The following EPHA5 variants were observed in gnomAD, a reference collection of about 807,000 sequenced individuals.
EPHA5 encodes the protein EPH receptor A5, also known as ephrin type-A receptor 5.
A neutral mutation model predicts 105.0 loss-of-function variants in EPHA5; 60 were observed. That is an observed-to-expected ratio of 0.57 (90% CI 0.46 to 0.71). EPHA5 has a LOEUF of 0.71. Ranked by LOEUF, EPHA5 falls within the 30% of genes least tolerant of loss-of-function variation. The pLI is 0.00. For synonymous variants in EPHA5, 513 were observed against 449.1 expected, an observed-to-expected ratio of 1.14 and a Z score of -1.80; for missense variants, 1,218 against 1,274.7, an observed-to-expected ratio of 0.96 and a Z score of 0.68.
intron 16 of EPHA5, chr4:65,331,742 T>G: frequency 1.6e-6 from 2 of 1,212,846 alleles, no homozygotes; most frequent in Non-Finnish European, 1.0e-6. Flanking sequence ...TTATTCCAAT[T>G]ATTCAAGTAT....
chr4:65,574,023 A>G, intron 3 of EPHA5: 3 of 1,598,430 alleles, frequency 1.9e-6, no homozygotes, highest in Non-Finnish European at 1.7e-6. Context: ...TCCTCTATGA[A>G]GAACACACCA....
intron 4 of EPHA5, among the ~76,000 whole-genome samples, chr4:65,491,919 T>C (rs1731439725): frequency 6.6e-6 from 1 of 152,190 alleles, no homozygotes; most frequent in South Asian, 2.1e-4. Flanking sequence ...GTTAATGTTA[T>C]ATTATTGGAT....
At chr4:65,599,929 T>A (rs1034180937) in intron 3 of EPHA5, among the ~76,000 whole-genome samples, 2 of 152,108 alleles carry the variant, frequency 1.3e-5, no homozygotes, top group Non-Finnish European at 2.9e-5. Context: ...TCAAAATGCA[T>A]CCTCGAAACA....
chr4:65,348,749 ATATATATATGTG>A (rs1351806207), intron 13 of EPHA5, among the ~76,000 whole-genome samples: 2 of 51,164 alleles, frequency 3.9e-5, no homozygotes, highest in African/African-American at 1.0e-4. Context: ...ATGTGTGTGC[ATATATATATGTG>A]TATATATATG....
At position 65,348,219 on chromosome 4, in the gene EPHA5, A is replaced by G. The variant is rs763919702; in HGVS notation, c.2446-16T>C. On this transcript the variant is annotated splice_polypyrimidine_tract_variant and intron_variant, in intron 13 of 16. Transcript: ENST00000613740. ...TTTTTCCTCCCTAAAATTGAAAAAG[A>G]TTTAAAAAACTTCCTACATACTTCA... 10 of 1,607,450 alleles carry G rather than the reference A, an allele frequency of 6.2e-6. No homozygotes were observed. The South Asian group carries it at 1.0e-4, about 16-fold the overall frequency.
chr4:65,538,056 A>G (rs1227994932), intron 3 of EPHA5, among the ~76,000 whole-genome samples: 1 of 151,790 alleles, frequency 6.6e-6, no homozygotes, highest in Non-Finnish European at 1.5e-5. Context: ...AGGAAGATGT[A>G]TTTGTCAGAA....
At position 65,321,113 on chromosome 4, in the gene EPHA5, T is replaced by C. The variant is rs1329414275; in HGVS notation, c.*3001A>G. The stretch of plus-strand genomic sequence containing the variant: ...AGTAGTAATTGAGTGACTTCAAGTA[T>C]CAGTCTGTTGAAAATTACTCCCTGT... On this transcript the variant is annotated 3_prime_UTR_variant, in exon 17 of 17. Coordinates refer to ENST00000613740, the MANE Select transcript of EPHA5 (RefSeq NM_001281766.3). The C allele has an allele frequency of 4.3e-6, 1 of 230,670 alleles. No homozygotes were observed. The highest frequency in any genetic ancestry group is 8.6e-6 in the Non-Finnish European group (1 of 116,482). The allele number at this position is 230,670 out of a possible 1,614,324, so 14.3% of individuals were successfully genotyped here.
At chr4:65,350,735 C>A (rs1259372125) in intron 13 of EPHA5, among the ~76,000 whole-genome samples, 1 of 152,018 alleles carries the variant, frequency 6.6e-6, no homozygotes, top group Non-Finnish European at 1.5e-5. Flanking sequence ...CAATTACTTT[C>A]ATAGAAAAGA....
chr4:65,456,323 T>C (rs955793566), intron 5 of EPHA5, among the ~76,000 whole-genome samples: 1 of 79,138 alleles, frequency 1.3e-5, no homozygotes, highest in Non-Finnish European at 3.1e-5. Flanking sequence ...TGTTCTTCGA[T>C]TTTTTTTTTT....
chr4:65,581,591 A>T (rs1741630837), intron 3 of EPHA5, among the ~76,000 whole-genome samples: 1 of 151,734 alleles, frequency 6.6e-6, no homozygotes, highest in Admixed American at 6.6e-5. Context: ...TTTTATATAG[A>T]TTATGTTGAC....
chr4:65,591,193 T>A (rs1742610569), intron 3 of EPHA5, among the ~76,000 whole-genome samples: 2 of 152,144 alleles, frequency 1.3e-5, no homozygotes, highest in African/African-American at 4.8e-5. Context: ...GGAAGGATCA[T>A]TGCATTTCAC....
intron 2 of EPHA5, among the ~76,000 whole-genome samples, chr4:65,628,084 C>T (rs571795378): frequency 2.4e-4 from 36 of 151,962 alleles, no homozygotes; most frequent in Admixed American, 2.0e-4. Context: ...TAATTTTATA[C>T]CACCTGAATT....
At chr4:65,538,709 G>A (rs1053040577) in intron 3 of EPHA5, among the ~76,000 whole-genome samples, 2 of 151,666 alleles carry the variant, frequency 1.3e-5, no homozygotes, top group African/African-American at 4.8e-5. Flanking sequence ...GATCCAAGCA[G>A]AGACATTTCT....
intron 1 of EPHA5, among the ~76,000 whole-genome samples, chr4:65,645,189 T>C (rs925042861): frequency 2.6e-5 from 4 of 152,126 alleles, no homozygotes; most frequent in African/African-American, 4.8e-5. Context: ...GGAATAAGGC[T>C]ACATTAAACT....
chr4:65,601,695 T>A lies in EPHA5; in HGVS notation c.856A>T (p.Ile286Phe), dbSNP rs760662145. ...CCTGCCTTGCACATGCATTTCCCGATGGGCACCAGCCACTCCCCTTCGGCG... is the reference window on the plus strand; with the variant it reads ...CCTGCCTTGCACATGCATTTCCCGAAGGGCACCAGCCACTCCCCTTCGGCG... ...CSAEGEWLVP[I>F]GKCMCKAGYE... Residue 286 changes from isoleucine to phenylalanine, a missense_variant, in exon 3 of 17, where the codon ATC becomes TTC. Around this residue, in one of 3 missense-constraint regions of EPHA5, gnomAD observed 971 missense variants for 1,013.5 expected, o/e 0.96. Coordinates refer to ENST00000613740, the MANE Select transcript of EPHA5 (RefSeq NM_001281766.3). The A allele has an allele frequency of 2.5e-6, 4 of 1,613,978 alleles. No homozygotes were observed. The highest frequency in any genetic ancestry group is 3.4e-6 in the Non-Finnish European group (4 of 1,179,994).
At chr4:65,447,271 A>G (rs912270496) in intron 5 of EPHA5, among the ~76,000 whole-genome samples, 3 of 152,048 alleles carry the variant, frequency 2.0e-5, no homozygotes, top group African/African-American at 4.8e-5. Flanking sequence ...GATATTTGCT[A>G]TTGGGTGGAG....
intron 3 of EPHA5, among the ~76,000 whole-genome samples, chr4:65,506,398 A>G (rs1237809278): frequency 6.9e-6 from 1 of 145,802 alleles, no homozygotes; most frequent in Admixed American, 6.8e-5. Flanking sequence ...TGGTATTTCT[A>G]GTTCTAGATC....
intron 3 of EPHA5, among the ~76,000 whole-genome samples, chr4:65,572,646 T>C (rs1282839964): frequency 6.6e-6 from 1 of 152,200 alleles, no homozygotes; most frequent in Admixed American, 6.5e-5. Context: ...ATGTTATATG[T>C]ACGGAATATG....
intron 5 of EPHA5, among the ~76,000 whole-genome samples, chr4:65,471,780 C>G (rs187948307): frequency 6.6e-6 from 1 of 152,112 alleles, no homozygotes; most frequent in Non-Finnish European, 1.5e-5. Context: ...CCAATCACCT[C>G]CCACCTGCTC....
Sources: allele counts gnomAD v4.1 joint callset (sites outside exome capture counted in the v4.1 genomes callset), GRCh38; gene constraint gnomAD v4.1.1; regional missense constraint gnomAD v4.1.1; transcripts MANE v1.5; gene names NCBI Gene and HGNC (gene_info 2026-07-23, HGNC 2026-07-21).